Variants in RAB11FIP5 observed in about 807,000 individuals in gnomAD.
RAB11FIP5 encodes the protein rab11 family-interacting protein 5.
A neutral mutation model predicts 85.1 loss-of-function variants in RAB11FIP5; 48 were observed. The ratio of observed to expected loss-of-function variants is 0.56; its 90% CI spans 0.45 to 0.72. The LOEUF is 0.72. Ranked by LOEUF, RAB11FIP5 falls within the 30% of genes least tolerant of loss-of-function variation. The pLI, the probability that RAB11FIP5 is intolerant of heterozygous loss-of-function variation, is 0.00. For missense variants in RAB11FIP5, 1,491 were observed against 1,687.0 expected (o/e 0.88, Z 2.04); for synonymous variants, 729 against 727.3 (o/e 1.00, Z -0.04).
At chr2:73,102,654 C>T (rs1453212422) in intron 1 of RAB11FIP5, among the ~76,000 whole-genome samples, 1 of 152,184 alleles carries the variant, frequency 6.6e-6, no homozygotes, top group East Asian at 1.9e-4. Context: ...CAGTTATTGA[C>T]CTCTTATCCC....
At position 73,078,502 on chromosome 2, in the gene RAB11FIP5, G is replaced by A. The variant is rs1164398315; in HGVS notation, c.3581+1149C>T. Among the ~76,000 whole-genome samples the A allele has an allele frequency of 2.0e-5, 3 of 152,174 alleles. No individual in the cohort carries two copies. Among genetic ancestry groups the A allele is most frequent in the African/African-American group, 7.2e-5 (3 of 41,426 alleles). On this transcript the variant is annotated intron_variant, in intron 4 of 5. Transcript: ENST00000486777. The surrounding 1 kb of genome is among the most constrained non-coding windows in gnomAD (Gnocchi z 4.4). The stretch of plus-strand genomic sequence containing the variant: ...GGAGGAGAGTCACCACCACCACCAG[G>A]GAGGGACACTGGGGGCAGCCTGGAC...
At chr2:73,095,197 G>T (rs1443187395) in intron 1 of RAB11FIP5, among the ~76,000 whole-genome samples, 1 of 152,182 alleles carries the variant, frequency 6.6e-6, no homozygotes. Context: ...GGACACAAGG[G>T]TTTTGATGAA....
chr2:73,105,365 C>T (rs1042783718), intron 1 of RAB11FIP5, among the ~76,000 whole-genome samples: 3 of 152,154 alleles, frequency 2.0e-5, no homozygotes, highest in Admixed American at 2.0e-4. Flanking sequence ...ACCTCAGCCT[C>T]CTGAGTAGCT....
At chr2:73,085,353 C>T (rs1684071892) in intron 3 of RAB11FIP5, among the ~76,000 whole-genome samples, 1 of 152,200 alleles carries the variant, frequency 6.6e-6, no homozygotes, top group Non-Finnish European at 1.5e-5. Flanking sequence ...AACATTTGAT[C>T]CCCTTCTGTG....
In RAB11FIP5 at chr2:73,088,662, C is replaced by A. The variant is rs769188248; in HGVS notation, c.956G>T (p.Arg319Leu). ...GTGGCCCTGAAGGTCCAGAAGGGCC[C>A]GAGGAGGAGCCACTCGCATCTGGTT... Reference protein sequence around the residue: ...EANQMRVAPPRALLDLQGHLD... With the variant: ...EANQMRVAPPLALLDLQGHLD... The change falls in exon 3 of 6, where the codon CGG becomes CTG. Residue 319 changes from arginine to leucine, a missense_variant. Around this residue, in one of 3 missense-constraint regions of RAB11FIP5, gnomAD observed 1,211 missense variants for 1,338.0 expected, o/e 0.91. Coordinates refer to ENST00000486777, the MANE Select transcript of RAB11FIP5 (RefSeq NM_001371272.1). 2 of 1,613,052 alleles carry A rather than the reference C, an allele frequency of 1.2e-6. No homozygotes were observed. The highest frequency in any genetic ancestry group is 1.1e-5 in the South Asian group (1 of 91,068).
In RAB11FIP5 at chr2:73,074,661, G is replaced by A. The variant is rs1056143518; in HGVS notation, c.*860C>T. 1 of 156,536 alleles carries A rather than the reference G, an allele frequency of 6.4e-6. No homozygotes were observed. The highest frequency in any genetic ancestry group is 1.4e-5 in the Non-Finnish European group (1 of 70,292). 9.7% of individuals were successfully genotyped at this position (156,536 alleles called of 1,614,324 possible). A position where few individuals can be genotyped will look rare whatever the true frequency, so the allele number is the denominator to read the frequency against. On this transcript the variant is annotated 3_prime_UTR_variant, in exon 6 of 6. Transcript: ENST00000486777. ...AGTTCAAACCCTGCAGCAACACAGA[G>A]TTTTGGCATCTGGACAGGCAACAAG...
At chr2:73,082,083 T>A (rs552433392) in intron 3 of RAB11FIP5, among the ~76,000 whole-genome samples, 6 of 147,466 alleles carry the variant, frequency 4.1e-5, no homozygotes, top group African/African-American at 1.5e-4. Flanking sequence ...TTGCCCAGGC[T>A]GGAGTGCAGT....
chr2:73,095,606 G>C (rs1409388085), intron 1 of RAB11FIP5, among the ~76,000 whole-genome samples: 2 of 152,200 alleles, frequency 1.3e-5, no homozygotes, highest in African/African-American at 4.8e-5. Context: ...CAGGAGATGG[G>C]AGGCCCATTT....
At position 73,081,386 on chromosome 2, in the gene RAB11FIP5, T is replaced by G; in HGVS notation, c.1846A>C (p.Ile616Leu). Reference protein sequence around the residue: ...NPFFEELIADIALNSPSPAPS... With the variant: ...NPFFEELIADLALNSPSPAPS... The stretch of plus-strand genomic sequence containing the variant: ...GCAGGTGAAGGAGAGTTTAGTGCTA[T>G]GTCGGCTATGAGCTCCTCGAAGAAG... The change falls in exon 4 of 6, where the codon ATA becomes CTA. Residue 616 changes from isoleucine (I) to leucine (L), a missense_variant. Ile to Leu is a conservative substitution (Grantham distance 5). Transcript: ENST00000486777. This position sits in a 1 kb window ranked among gnomAD's most constrained non-coding sequence, Gnocchi z 4.2. 1 of 1,232,596 alleles carries G rather than the reference T, an allele frequency of 8.1e-7. No homozygotes were observed. 76.4% of individuals were successfully genotyped at this position (1,232,596 alleles called of 1,614,324 possible).
At chr2:73,102,320 G>A (rs1433833027) in intron 1 of RAB11FIP5, among the ~76,000 whole-genome samples, 1 of 152,160 alleles carries the variant, frequency 6.6e-6, no homozygotes, top group Non-Finnish European at 1.5e-5. Flanking sequence ...AGAGAGGTGA[G>A]GCAGGAGACC....
chr2:73,103,859 G>A (rs977226440), intron 1 of RAB11FIP5, among the ~76,000 whole-genome samples: 8 of 152,106 alleles, frequency 5.3e-5, no homozygotes, highest in African/African-American at 1.9e-4. Context: ...ATCTCTGGCA[G>A]GTGGAAAAAT....
rs772145463 is a variant in RAB11FIP5, at chr2:73,075,537, G to A, written c.3959C>T (p.Pro1320Leu). 27 of 1,613,842 alleles carry A rather than the reference G, an allele frequency of 1.7e-5. No individual in the cohort carries two copies. Among genetic ancestry groups the A allele is most frequent in the East Asian group, 6.7e-5 (3 of 44,872 alleles). ...ETSPTLLQIP[P>L]GPPK Reference sequence around the variant, plus strand: ...TGAGGAAGGCTATTTGGGGGGGCCCGGGGGGATCTGCAGCAGCGTGGGTGA... The same window carrying A: ...TGAGGAAGGCTATTTGGGGGGGCCCAGGGGGATCTGCAGCAGCGTGGGTGA... Residue 1320 changes from proline (P) to leucine (L), a missense_variant, in exon 6 of 6, where the codon CCG becomes CTG. Physicochemically the swap from Pro to Leu is moderately conservative, Grantham distance 98. Coordinates refer to ENST00000486777, the MANE Select transcript of RAB11FIP5 (RefSeq NM_001371272.1). This position sits in a 1 kb window ranked among gnomAD's most constrained non-coding sequence, Gnocchi z 4.6.
chr2:73,097,412 ACAT>A (rs1197319137), intron 1 of RAB11FIP5, among the ~76,000 whole-genome samples: 1 of 152,226 alleles, frequency 6.6e-6, no homozygotes, highest in African/African-American at 2.4e-5. Context: ...CCCCATGTGC[ACAT>A]CAACATGACA....
chr2:73,093,081 A>C (rs1574299786), intron 1 of RAB11FIP5, among the ~76,000 whole-genome samples: 1 of 152,316 alleles, frequency 6.6e-6, no homozygotes, highest in East Asian at 1.9e-4. Flanking sequence ...GAGAATGGAA[A>C]ACTATGAACA....
chr2:73,112,169 C>T (rs934198287), intron 1 of RAB11FIP5, among the ~76,000 whole-genome samples, 178 bp downstream of exon 1: 2 of 152,198 alleles, frequency 1.3e-5, no homozygotes, highest in African/African-American at 4.8e-5. Context: ...ACACAGCGCA[C>T]GTTTGGGAAG....
intron 1 of RAB11FIP5, among the ~76,000 whole-genome samples, chr2:73,106,686 T>C (rs1286040758): frequency 6.6e-6 from 1 of 152,198 alleles, no homozygotes; most frequent in African/African-American, 2.4e-5. Flanking sequence ...CCCCAAATCC[T>C]ACAGCTCTGT....
intron 1 of RAB11FIP5, among the ~76,000 whole-genome samples, chr2:73,091,718 G>C (rs1684214492): frequency 6.6e-6 from 1 of 152,052 alleles, no homozygotes; most frequent in Admixed American, 6.5e-5. Flanking sequence ...GCTTCCTGGG[G>C]CACCTCTGAC....
chr2:73,086,236 G>C lies in RAB11FIP5; in HGVS notation c.1568+1814C>G, dbSNP rs1684088472. The stretch of plus-strand genomic sequence containing the variant: ...GCCCTGCAGCCGCCACCTGCAAATA[G>C]GCCCCATCTTGGGAGGGATGCTGAG... On this transcript the variant is annotated intron_variant, in intron 3 of 5. Coordinates refer to ENST00000486777, the MANE Select transcript of RAB11FIP5 (RefSeq NM_001371272.1). The surrounding 1 kb of genome is among the most constrained non-coding windows in gnomAD (Gnocchi z 4.4). Among the ~76,000 whole-genome samples the C allele has an allele frequency of 6.6e-6, 1 of 152,190 alleles. No homozygotes were observed. Among genetic ancestry groups the C allele is most frequent in the Admixed American group, 6.5e-5 (1 of 15,286 alleles).
rs1225420329 is a variant in RAB11FIP5 at position 73,075,252 on chromosome 2, G to A, written c.*269C>T. ...CTTGGGGGAAGAGTTCCAATTCCCTGGGGCCCCCAAAGCTGAGGGATATGA... is the reference window on the plus strand; with the variant it reads ...CTTGGGGGAAGAGTTCCAATTCCCTAGGGCCCCCAAAGCTGAGGGATATGA... On this transcript the variant is annotated 3_prime_UTR_variant, in exon 6 of 6. Transcript: ENST00000486777. This position sits in a 1 kb window ranked among gnomAD's most constrained non-coding sequence, Gnocchi z 4.6. The A allele has an allele frequency of 1.6e-5, 11 of 689,700 alleles. 1 individual carries two copies. In the South Asian group the frequency reaches 1.7e-4, roughly 10 times the overall value. The allele number at this position is 689,700 out of a possible 1,614,324, so 42.7% of individuals were successfully genotyped here. A position where few individuals can be genotyped will look rare whatever the true frequency, so the allele number is the denominator to read the frequency against.
Sources: allele counts gnomAD v4.1 joint callset (sites outside exome capture counted in the v4.1 genomes callset), GRCh38; gene constraint gnomAD v4.1.1; regional missense constraint gnomAD v4.1.1; non-coding constraint Gnocchi (gnomAD v3.1); transcripts MANE v1.5; gene names NCBI Gene and HGNC (gene_info 2026-07-23, HGNC 2026-07-21).